Variants in CNTNAP2 observed in about 807,000 individuals in gnomAD.
CNTNAP2 encodes the protein contactin associated protein 2.
A neutral mutation model predicts 155.2 loss-of-function variants in CNTNAP2; 98 were observed. The observed-to-expected ratio is 0.63, with a 90% confidence interval of 0.54 to 0.75. CNTNAP2 has a LOEUF of 0.75. Among genes scored for constraint, CNTNAP2 ranks in the 30% least tolerant of loss-of-function variants. The pLI is 0.00. For synonymous variants in CNTNAP2, 651 were observed against 631.2 expected, an observed-to-expected ratio of 1.03 and a Z score of -0.47; for missense variants, 1,727 against 1,688.1, an observed-to-expected ratio of 1.02 and a Z score of -0.40.
chr7:146,842,059 G>A (rs1482399490), intron 3 of CNTNAP2, among the ~76,000 whole-genome samples: 3 of 148,454 alleles, frequency 2.0e-5, no homozygotes, highest in Admixed American at 1.3e-4. Flanking sequence ...ATTTTTTTTT[G>A]TATTTTTAGT....
At chr7:147,382,498 C>T (rs952987070) in intron 9 of CNTNAP2, among the ~76,000 whole-genome samples, 3 of 152,136 alleles carry the variant, frequency 2.0e-5, no homozygotes, top group Middle Eastern at 3.4e-3. Flanking sequence ...TTTTGAGTGA[C>T]CAGTGATATA....
chr7:147,776,348 G>T (rs1168145470), intron 13 of CNTNAP2, among the ~76,000 whole-genome samples: 1 of 149,286 alleles, frequency 6.7e-6, no homozygotes, highest in Admixed American at 6.6e-5. Flanking sequence ...AATGTAAAAG[G>T]AAAAAGAAAA....
chr7:147,825,390 G>A (rs189916283), intron 13 of CNTNAP2, among the ~76,000 whole-genome samples: 45 of 152,214 alleles, frequency 3.0e-4, no homozygotes, highest in African/African-American at 1.0e-3. Flanking sequence ...TATTACAATT[G>A]CATCTAATAC....
At chr7:147,310,487 T>C (rs1795103446) in intron 9 of CNTNAP2, among the ~76,000 whole-genome samples, 1 of 152,158 alleles carries the variant, frequency 6.6e-6, no homozygotes, top group South Asian at 2.1e-4. Flanking sequence ...TATTATTTTG[T>C]ATGTGAATTT....
chr7:147,819,224 G>A (rs1286490277), intron 13 of CNTNAP2, among the ~76,000 whole-genome samples: 1 of 152,168 alleles, frequency 6.6e-6, no homozygotes, highest in African/African-American at 2.4e-5. Context: ...TCAGATAGAT[G>A]GTTCTAGCTC....
intron 3 of CNTNAP2, among the ~76,000 whole-genome samples, chr7:146,857,722 A>G (rs1795018729): frequency 6.6e-6 from 1 of 152,162 alleles, no homozygotes; most frequent in Non-Finnish European, 1.5e-5. Flanking sequence ...ATATAAGAAA[A>G]AAGACACACC....
At chr7:146,126,288 G>A (rs1797636049) in intron 1 of CNTNAP2, among the ~76,000 whole-genome samples, 1 of 152,112 alleles carries the variant, frequency 6.6e-6, no homozygotes, top group Non-Finnish European at 1.5e-5. Flanking sequence ...TTGGCATAAT[G>A]TTTCTATCTT....
At chr7:148,323,608 C>T (rs564227858) in intron 21 of CNTNAP2, among the ~76,000 whole-genome samples, 2 of 152,164 alleles carry the variant, frequency 1.3e-5, no homozygotes, top group South Asian at 2.1e-4. Flanking sequence ...CATCTAACTC[C>T]GTTGGACAGC....
At chr7:146,879,840 A>G (rs1288783049) in intron 3 of CNTNAP2, among the ~76,000 whole-genome samples, 6 of 152,120 alleles carry the variant, frequency 3.9e-5, no homozygotes, top group Non-Finnish European at 8.8e-5. Flanking sequence ...AGACTGGGTA[A>G]TTTATAAAGA....
At chr7:146,610,261 G>A (rs185484058) in intron 1 of CNTNAP2, among the ~76,000 whole-genome samples, 3 of 152,166 alleles carry the variant, frequency 2.0e-5, no homozygotes, top group Non-Finnish European at 2.9e-5. Context: ...TCCTAGGAGA[G>A]AGCAGAGCCC....
At chr7:146,921,059 A>G (rs866896666) in intron 3 of CNTNAP2, among the ~76,000 whole-genome samples, 17 of 152,320 alleles carry the variant, frequency 1.1e-4, no homozygotes, top group Middle Eastern at 6.8e-3. Flanking sequence ...GTATGATTCC[A>G]TGAATATATC....
At chr7:147,313,300 C>T (rs1795160196) in intron 9 of CNTNAP2, among the ~76,000 whole-genome samples, 1 of 151,354 alleles carries the variant, frequency 6.6e-6, no homozygotes, top group Admixed American at 6.6e-5. Context: ...GCTTTTGTTG[C>T]CATTGCTTTT....
At position 148,146,697 on chromosome 7, in the gene CNTNAP2, T is replaced by C. The variant is rs141232570; in HGVS notation, c.2555-794T>C. Among the ~76,000 whole-genome samples the C allele has an allele frequency of 2.1e-3, 320 of 152,258 alleles. 6 individuals are homozygous for C. The highest frequency in any genetic ancestry group is 2.3e-3 in the East Asian group (12 of 5,166). On this transcript the variant is annotated intron_variant, in intron 16 of 23. Coordinates refer to ENST00000361727, the MANE Select transcript of CNTNAP2 (RefSeq NM_014141.6). Reference sequence around the variant, plus strand: ...CAGAAATGTTGTGCTACCTTTCAGGTAGGCACAGGTGGTCATAAAATGTAG... The same window carrying C: ...CAGAAATGTTGTGCTACCTTTCAGGCAGGCACAGGTGGTCATAAAATGTAG...
chr7:147,769,607 G>A lies in CNTNAP2; in HGVS notation c.2098+130301G>A, dbSNP rs567192951. On this transcript the variant is annotated intron_variant, in intron 13 of 23. Transcript: ENST00000361727. ...CACAGAGACTATGCTTGCATTTAAA[G>A]GCAAAGCATACAGTAATTATAACTA... 3.9e-5 allele frequency among the ~76,000 whole-genome samples: 6 copies of A among 152,130 alleles called. No homozygotes were observed. The South Asian group carries it at 1.0e-3, about 26-fold the overall frequency.
chr7:148,278,569 CAAAAAA>C (rs34230909), intron 21 of CNTNAP2, among the ~76,000 whole-genome samples: 1 of 116,632 alleles, frequency 8.6e-6, no homozygotes, highest in Non-Finnish European at 1.8e-5. Context: ...GACTACATCT[CAAAAAA>C]AAAAAAAAAA....
At chr7:147,808,732 A>C (rs1323149112) in intron 13 of CNTNAP2, among the ~76,000 whole-genome samples, 1 of 152,188 alleles carries the variant, frequency 6.6e-6, no homozygotes, top group Non-Finnish European at 1.5e-5. Flanking sequence ...CATCCTTTAA[A>C]ACCCAGTTAA....
Position 147,186,960 on chromosome 7 carries a change from C to T in CNTNAP2, c.1348+54451C>T, listed in dbSNP as rs1404086800. Among the ~76,000 whole-genome samples the T allele has an allele frequency of 2.0e-5, 2 of 100,936 alleles. 1 individual carries two copies. The highest frequency in any genetic ancestry group is 5.3e-5 in the Non-Finnish European group (2 of 37,734). The allele number at this position is 100,936 out of a possible 152,430, so 66.2% of individuals were successfully genotyped here. A position where few individuals can be genotyped will look rare whatever the true frequency, so the allele number is the denominator to read the frequency against. On this transcript the variant is annotated intron_variant, in intron 8 of 23. Coordinates refer to ENST00000361727, the MANE Select transcript of CNTNAP2 (RefSeq NM_014141.6). ...AAACTGAAGGTTGCTGAGCCCCATT[C>T]TCAAAATTTCAGACTCAATAAGAAT...
At chr7:146,265,209 A>C (rs1304837389) in intron 1 of CNTNAP2, among the ~76,000 whole-genome samples, 2 of 152,202 alleles carry the variant, frequency 1.3e-5, no homozygotes, top group Non-Finnish European at 2.9e-5. Context: ...CCATTATGAC[A>C]TAATACCATT....
intron 1 of CNTNAP2, among the ~76,000 whole-genome samples, chr7:146,756,282 G>A (rs984522935): frequency 1.3e-5 from 2 of 151,876 alleles, no homozygotes; most frequent in African/African-American, 4.8e-5. Flanking sequence ...ATTAAGCTAT[G>A]TTAGTAAAAG....
Sources: gnomAD v4.1 joint callset for allele counts (sites outside exome capture counted in the v4.1 genomes callset) on GRCh38, gnomAD v4.1.1 for gene constraint, MANE v1.5 for transcripts, NCBI Gene and HGNC (gene_info 2026-07-23, HGNC 2026-07-21) for gene names.